Variants in SIPA1 observed in about 807,000 individuals in gnomAD.
The protein encoded by SIPA1 is signal-induced proliferation-associated protein 1.
SIPA1 carries 51 observed loss-of-function variants against 88.1 expected under a neutral mutation model. That is an observed-to-expected ratio of 0.58 (90% CI 0.46 to 0.73). The LOEUF (loss-of-function observed/expected upper bound fraction) is 0.73, where lower values mean the gene tolerates loss of function less well. Ranked by LOEUF, SIPA1 falls within the 30% of genes least tolerant of loss-of-function variation. The pLI is 0.00. For synonymous variants in SIPA1, 681 were observed against 664.8 expected (o/e 1.02, Z -0.37); for missense variants, 1,348 against 1,467.6 (o/e 0.92, Z 1.33).
In SIPA1 at chr11:65,650,696, C is replaced by A. The variant is rs767138929; in HGVS notation, c.3110C>A (p.Pro1037His). Residue 1037 changes from proline to histidine, a missense_variant, in exon 16 of 16, where the codon CCC becomes CAC. By Grantham distance (77) the Pro-to-His change is moderately conservative. Coordinates refer to ENST00000534313, the MANE Select transcript of SIPA1 (RefSeq NM_006747.4). The stretch of plus-strand genomic sequence containing the variant: ...CTGGCCTCCAAGCAGCTGGGCTCAC[C>A]CACCGCCGACCTGGCCTGAGCCGTC... The part of the protein sequence containing the change: ...LLLASKQLGS[P>H]TADLA The A allele has an allele frequency of 1.5e-5, 24 of 1,579,896 alleles. No individual in the cohort carries two copies. The highest frequency in any genetic ancestry group is 1.1e-5 in the Non-Finnish European group (13 of 1,162,964).
rs1297483697 is a variant in SIPA1 at position 65,646,444 on chromosome 11, C to T, written c.1422-12C>T. On this transcript the variant is annotated splice_polypyrimidine_tract_variant and intron_variant, in intron 7 of 15. Transcript: ENST00000534313. The surrounding 1 kb of genome is among the most constrained non-coding windows in gnomAD (Gnocchi z 7.5). ...GTCCTGCCGCCCCTCACTAACGCCT[C>T]CCTCCCCGCAGGGTGGCCGTGAGCC... 1.9e-6 allele frequency: 3 copies of T among 1,590,410 alleles called. No homozygotes were observed. The highest frequency in any genetic ancestry group is 1.7e-5 in the Admixed American group (1 of 59,268).
intron 2 of SIPA1, among the ~76,000 whole-genome samples, 165 bp downstream of exon 2, chr11:65,641,765 C>T (rs916674427): frequency 5.9e-5 from 9 of 152,190 alleles, no homozygotes; most frequent in African/African-American, 2.2e-4. Context: ...CTACTTTCAA[C>T]CACCTTCTTA....
Position 65,642,329 on chromosome 11 carries a change from C to A in SIPA1, c.759C>A (p.Ser253Arg). 1 of 1,550,896 alleles carries A rather than the reference C, an allele frequency of 6.4e-7. No homozygotes were observed. The change falls in exon 3 of 16, where the codon AGC (serine) becomes AGA (arginine). Residue 253 changes from serine (S) to arginine (R), a missense_variant. Physicochemically the swap from Ser to Arg is moderately radical, Grantham distance 110 (BLOSUM62 -1). Transcript: ENST00000534313. The surrounding 1 kb of genome is among the most constrained non-coding windows in gnomAD (Gnocchi z 6.5). ...TGCGGCGGGAGGAGAAGGAGGGCAG[C>A]GGAGGGGGCACCCTGCACAGCTACC... The part of the protein sequence containing the change: ...VSLRREEKEG[S>R]GGGTLHSYRV...
intron 5 of SIPA1, among the ~76,000 whole-genome samples, chr11:65,645,568 T>G (rs1856095322): frequency 6.6e-6 from 1 of 152,010 alleles, no homozygotes; most frequent in African/African-American, 2.4e-5. Context: ...GACCCTGCCC[T>G]CCCTCTGAGA....
chr11:65,642,576 C>T lies in SIPA1; in HGVS notation c.921C>T (p.Cys307=). 6.3e-7 allele frequency: 1 copy of T among 1,598,780 alleles called. No individual in the cohort carries two copies. Among genetic ancestry groups the T allele is most frequent in the South Asian group, 1.1e-5 (1 of 90,276 alleles). ...EHVAPQLSPS[C]LRLGSASPKV... is the part of the protein sequence containing the mutation. ...TGGCGCCGCAGCTGAGCCCCAGCTGCCTGCGCCTGGGCTCAGCTTCACCCA... is the reference window on the plus strand; with the variant it reads ...TGGCGCCGCAGCTGAGCCCCAGCTGTCTGCGCCTGGGCTCAGCTTCACCCA... Residue 307 remains cysteine (C), a synonymous_variant, in exon 4 of 16, where the codon TGC becomes TGT. Transcript: ENST00000534313. The surrounding 1 kb of genome is among the most constrained non-coding windows in gnomAD (Gnocchi z 6.5).
In SIPA1 at chr11:65,647,105, G is replaced by C. The variant is rs1021146785; in HGVS notation, c.2031+40G>C. On this transcript the variant is annotated intron_variant, in intron 8 of 15. Transcript: ENST00000534313. ...TAAACTGGGGCCCCTGCGCGCGGCG[G>C]GGCGGAGCCTGCTTTGGACCCCTCC... 4.7e-5 allele frequency: 68 copies of C among 1,452,778 alleles called. No individual in the cohort carries two copies. In the East Asian group the frequency reaches 1.3e-3, roughly 27 times the overall value. The allele number at this position is 1,452,778 out of a possible 1,614,324, so 90.0% of individuals were successfully genotyped here.
In SIPA1 at chr11:65,640,900, C is replaced by T. The variant is rs569233460; in HGVS notation, c.-22C>T. Reference sequence around the variant, plus strand: ...GTGCCCGCCAATGCGGCCCAGCCCCCGGAGAGTCAGGCCCACAGAGCATGC... The same window carrying T: ...GTGCCCGCCAATGCGGCCCAGCCCCTGGAGAGTCAGGCCCACAGAGCATGC... On this transcript the variant is annotated 5_prime_UTR_variant, in exon 2 of 16. Coordinates refer to ENST00000534313, the MANE Select transcript of SIPA1 (RefSeq NM_006747.4). 1.3e-4 allele frequency: 188 copies of T among 1,466,446 alleles called. 1 individual carries two copies. The highest frequency in any genetic ancestry group is 1.1e-3 in the South Asian group (78 of 70,584). The allele number at this position is 1,466,446 out of a possible 1,614,324, so 90.8% of individuals were successfully genotyped here. A position where few individuals can be genotyped will look rare whatever the true frequency, so the allele number is the denominator to read the frequency against.
intron 9 of SIPA1, 70 bp from the exon 10 acceptor site, chr11:65,649,192 G>A: frequency 1.8e-6 from 2 of 1,131,948 alleles, no homozygotes; most frequent in Non-Finnish European, 1.2e-6. Context: ...CTGGCGGGCT[G>A]GGGGTGGGGC....
intron 1 of SIPA1, chr11:65,639,022 TCA>T (rs1290884346): frequency 2.0e-5 from 3 of 152,334 alleles, no homozygotes; most frequent in African/African-American, 4.8e-5. Flanking sequence ...GCTACACCCG[TCA>T]CACACACACA....
intron 1 of SIPA1, among the ~76,000 whole-genome samples, chr11:65,639,566 C>G (rs571212770): frequency 1.3e-5 from 2 of 152,218 alleles, no homozygotes; most frequent in South Asian, 2.1e-4. Flanking sequence ...TCCTCCACCC[C>G]CCTCCGGCCC....
rs1261065644 is a variant in SIPA1 at position 65,646,124 on chromosome 11, G to A, written c.1264-97G>A. The A allele has an allele frequency of 8.3e-6, 12 of 1,447,616 alleles. No individual in the cohort carries two copies. The highest frequency in any genetic ancestry group is 1.7e-5 in the Admixed American group (1 of 57,334). 89.7% of individuals were successfully genotyped at this position (1,447,616 alleles called of 1,614,324 possible). A position where few individuals can be genotyped will look rare whatever the true frequency, so the allele number is the denominator to read the frequency against. ...ACCCTAGGTCTTCACCAGGGGCAGT[G>A]GGGGAGCCATTGGTGCCTTGGCTTT... On this transcript the variant is annotated intron_variant, in intron 6 of 15. Transcript: ENST00000534313. This position sits in a 1 kb window ranked among gnomAD's most constrained non-coding sequence, Gnocchi z 7.5.
At chr11:65,638,219 C>T (rs1855935080) in intron 1 of SIPA1, 37 bp downstream of exon 1, 1 of 152,246 alleles carries the variant, frequency 6.6e-6, no homozygotes, top group African/African-American at 2.4e-5. Context: ...GCACTACTGT[C>T]GGGCCCGACA....
At position 65,650,708 on chromosome 11, in the gene SIPA1, T is replaced by TGGTC; in HGVS notation, c.3124_3125insTCGG (p.Ala1042ValfsTer?). On this transcript the variant is annotated frameshift_variant, in exon 16 of 16. Transcript: ENST00000534313. LOFTEE classifies it high-confidence loss of function. ...CAGCTGGGCTCACCCACCGCCGACC[T>TGGTC]GGCCTGAGCCGTCTGGAACCACCTG... 1 of 1,575,278 alleles carries TGGTC rather than the reference T, an allele frequency of 6.3e-7. No homozygotes were observed. Among genetic ancestry groups the TGGTC allele is most frequent in the Non-Finnish European group, 8.6e-7 (1 of 1,160,346 alleles).
Position 65,650,619 on chromosome 11 carries a change from C to G in SIPA1, c.3033C>G (p.His1011Gln), listed in dbSNP as rs768806226. 1.9e-6 allele frequency: 3 copies of G among 1,579,272 alleles called. No homozygotes were observed. The highest frequency in any genetic ancestry group is 2.3e-5 in the East Asian group (1 of 42,826). The part of the protein sequence containing the change: ...ALEEEVRSLR[H>Q]NNRRLQAESE... Reference sequence around the variant, plus strand: ...AGGAGGAGGTGCGGAGCCTGAGACACAACAACCGGCGGCTGCAGGCGGAGT... The same window carrying G: ...AGGAGGAGGTGCGGAGCCTGAGACAGAACAACCGGCGGCTGCAGGCGGAGT... The change falls in exon 16 of 16, where the codon CAC becomes CAG. Residue 1011 changes from histidine to glutamine, a missense_variant. By Grantham distance (24) the His-to-Gln change is conservative (BLOSUM62 0). Around this residue, in one of 4 missense-constraint regions of SIPA1, gnomAD observed 615 missense variants for 559.8 expected, o/e 1.10. Coordinates refer to ENST00000534313, the MANE Select transcript of SIPA1 (RefSeq NM_006747.4).
At chr11:65,649,186 C>G in intron 9 of SIPA1, 76 bp from the exon 10 acceptor site, 1 of 1,070,928 alleles carries the variant, frequency 9.3e-7, no homozygotes, top group Non-Finnish European at 1.3e-6. Flanking sequence ...GTGAGCCTGG[C>G]GGGCTGGGGG....
chr11:65,644,562 C>G (rs1856070166), intron 4 of SIPA1, among the ~76,000 whole-genome samples: 1 of 151,600 alleles, frequency 6.6e-6, no homozygotes, highest in Non-Finnish European at 1.5e-5. Flanking sequence ...GAGGGAAGAG[C>G]CGGGAAGAGG....
At chr11:65,648,615 C>T (rs1210900632) in intron 9 of SIPA1, among the ~76,000 whole-genome samples, 2 of 152,046 alleles carry the variant, frequency 1.3e-5, no homozygotes, top group African/African-American at 4.8e-5. Context: ...GGGTAGCTCA[C>T]CTGAGGTCAG....
chr11:65,642,251 A>G lies in SIPA1; in HGVS notation c.681A>G (p.Glu227=). ...GTTTTCTTCGGCGCGGTCCCCCAGA[A>G]CATCAGAACTTCTTCGGGATGGACG... ...GYYRKYFYGK[E]HQNFFGMDES... The change falls in exon 3 of 16, where the codon GAA becomes GAG. Residue 227 remains glutamate (E), a splice_region_variant and synonymous_variant. Coordinates refer to ENST00000534313, the MANE Select transcript of SIPA1 (RefSeq NM_006747.4). The surrounding 1 kb of genome is among the most constrained non-coding windows in gnomAD (Gnocchi z 6.5). The G allele has an allele frequency of 6.4e-7, 1 of 1,552,602 alleles. No homozygotes were observed. Among genetic ancestry groups the G allele is most frequent in the South Asian group, 1.2e-5 (1 of 83,984 alleles).
In SIPA1 at chr11:65,649,544, A is replaced by T. The variant is rs1565183696; in HGVS notation, c.2526-17A>T. 6.2e-7 allele frequency: 1 copy of T among 1,613,748 alleles called. No homozygotes were observed. Among genetic ancestry groups the T allele is most frequent in the South Asian group, 1.1e-5 (1 of 91,066 alleles). On this transcript the variant is annotated splice_polypyrimidine_tract_variant and intron_variant, in intron 10 of 15. Coordinates refer to ENST00000534313, the MANE Select transcript of SIPA1 (RefSeq NM_006747.4). ...GGAAAGCGGCTTCCCTTTCTGAGCC[A>T]CCCCTGCTCTCCCCAGCTCTCTGTC... is the stretch of plus-strand genomic sequence containing the variant.
Sources: gnomAD v4.1 joint callset for allele counts (sites outside exome capture counted in the v4.1 genomes callset) on GRCh38, gnomAD v4.1.1 for gene constraint, gnomAD v4.1.1 regional missense constraint, Gnocchi (gnomAD v3.1) non-coding constraint, MANE v1.5 for transcripts, NCBI Gene and HGNC (gene_info 2026-07-23, HGNC 2026-07-21) for gene names.